LPP: variants seen among roughly 807,000 people sequenced by gnomAD.
The protein encoded by LPP is lipoma-preferred partner.
LPP carries 38 observed loss-of-function variants against 60.4 expected under a neutral mutation model. That is an observed-to-expected ratio of 0.63 (90% CI 0.49 to 0.83). The LOEUF is 0.83. Among genes scored for constraint, LPP ranks in the 40% least tolerant of loss-of-function variants. LPP has a pLI of 0.00. For missense variants in LPP, 902 were observed against 783.6 expected (o/e 1.15, Z -1.80); for synonymous variants, 328 against 290.8 (o/e 1.13, Z -1.30).
chr3:188,482,838 A>G (rs1279886047), intron 4 of LPP, among the ~76,000 whole-genome samples: 1 of 152,170 alleles, frequency 6.6e-6, no homozygotes, highest in African/African-American at 2.4e-5. Context: ...CTGTGGGTCT[A>G]AAGTAGTAAC....
chr3:188,227,882 A>C (rs1021432336), intron 2 of LPP, among the ~76,000 whole-genome samples: 2 of 152,200 alleles, frequency 1.3e-5, no homozygotes, highest in Admixed American at 6.5e-5. Context: ...TGGTAATATG[A>C]ACCACTATTC....
At position 188,874,518 on chromosome 3, in the gene LPP, C is replaced by T; in HGVS notation, c.*39C>T. On this transcript the variant is annotated 3_prime_UTR_variant, in exon 12 of 12. Coordinates refer to ENST00000617246, the MANE Select transcript of LPP (RefSeq NM_001375462.1). ...TTCAGCCGGCACTGAGAAGAACGAACACAAGAAAAAGATAAGAAATACTAG... is the reference window on the plus strand; with the variant it reads ...TTCAGCCGGCACTGAGAAGAACGAATACAAGAAAAAGATAAGAAATACTAG... 1 of 1,599,062 alleles carries T rather than the reference C, an allele frequency of 6.3e-7. No homozygotes were observed. Among genetic ancestry groups the T allele is most frequent in the South Asian group, 1.1e-5 (1 of 90,070 alleles).
At chr3:188,380,801 A>G (rs1207486718) in intron 3 of LPP, among the ~76,000 whole-genome samples, 1 of 152,262 alleles carries the variant, frequency 6.6e-6, no homozygotes, top group Non-Finnish European at 1.5e-5. Flanking sequence ...AGAATCATTT[A>G]TCCACCAACA....
chr3:188,833,268 G>A (rs1054355796), intron 9 of LPP, among the ~76,000 whole-genome samples: 3 of 152,208 alleles, frequency 2.0e-5, no homozygotes, highest in African/African-American at 7.2e-5. Flanking sequence ...TTGCATCACT[G>A]ATTCTGAATT....
At chr3:188,400,710 G>A (rs534367185) in intron 3 of LPP, among the ~76,000 whole-genome samples, 11 of 152,158 alleles carry the variant, frequency 7.2e-5, no homozygotes, top group Admixed American at 2.0e-4. Context: ...TCTGCTGATG[G>A]TGGTTGTGTA....
intron 4 of LPP, among the ~76,000 whole-genome samples, chr3:188,437,984 A>G (rs1304854640): frequency 6.6e-6 from 1 of 152,158 alleles, no homozygotes; most frequent in Non-Finnish European, 1.5e-5. Flanking sequence ...AAGTTGGAAG[A>G]TATTTATTTG....
intron 7 of LPP, among the ~76,000 whole-genome samples, chr3:188,687,362 C>T (rs1361788254): frequency 6.6e-6 from 1 of 152,180 alleles, no homozygotes; most frequent in African/African-American, 2.4e-5. Flanking sequence ...TTTGTCCCTA[C>T]CCAAACCTCA....
intron 3 of LPP, among the ~76,000 whole-genome samples, chr3:188,359,455 GCACCTGACCTA>G (rs1390747499): frequency 2.0e-5 from 3 of 152,160 alleles, no homozygotes; most frequent in Non-Finnish European, 4.4e-5. Context: ...GTTAAAGTCG[GCACCTGACCTA>G]TTAGCTGCAG....
At chr3:188,253,258 T>C (rs1026992219) in intron 2 of LPP, among the ~76,000 whole-genome samples, 80 of 152,300 alleles carry the variant, frequency 5.3e-4, no homozygotes, top group Non-Finnish European at 7.9e-4. Flanking sequence ...TTTTTATACT[T>C]ATAGAGACAA....
At chr3:188,653,590 A>G (rs1852524788) in intron 7 of LPP, among the ~76,000 whole-genome samples, 1 of 152,160 alleles carries the variant, frequency 6.6e-6, no homozygotes, top group Admixed American at 6.5e-5. Flanking sequence ...TGTGAAAGAT[A>G]ATTGAAAGTC....
At chr3:188,428,871 A>T (rs1229434047) in intron 4 of LPP, among the ~76,000 whole-genome samples, 2 of 152,148 alleles carry the variant, frequency 1.3e-5, no homozygotes, top group African/African-American at 4.8e-5. Context: ...GTTAGTACTT[A>T]AAATTGTAAC....
At chr3:188,237,221 A>G (rs1035450537) in intron 2 of LPP, among the ~76,000 whole-genome samples, 1 of 152,200 alleles carries the variant, frequency 6.6e-6, no homozygotes, top group African/African-American at 2.4e-5. Context: ...ACACAGTTGC[A>G]TCTTCATTCC....
chr3:188,280,933 ATTTTTTT>A (rs71298542), intron 2 of LPP, among the ~76,000 whole-genome samples: 6 of 141,356 alleles, frequency 4.2e-5, no homozygotes, highest in African/African-American at 1.3e-4. Flanking sequence ...CGACAAAGGA[ATTTTTTT>A]TTTTTTTTTT....
At position 188,850,418 on chromosome 3, in the gene LPP, A is replaced by C. The variant is rs115078495; in HGVS notation, c.1411-15782A>C. On this transcript the variant is annotated intron_variant, in intron 9 of 11. Transcript: ENST00000617246. ...TTGGTTCGGGGTAAAGGAGAGGAGA[A>C]ATTGTGATATGTGAAATATATTAAT... 4.0e-3 allele frequency among the ~76,000 whole-genome samples: 613 copies of C among 152,270 alleles called. 4 individuals are homozygous for C. The highest frequency in any genetic ancestry group is 0.014 in the African/African-American group (596 of 41,556).
chr3:188,481,935 GT>G (rs1804887272), intron 4 of LPP, among the ~76,000 whole-genome samples: 1 of 152,170 alleles, frequency 6.6e-6, no homozygotes, highest in Non-Finnish European at 1.5e-5. Flanking sequence ...GTTTAGCTCT[GT>G]GTCCCCACCC....
At chr3:188,720,112 C>T (rs1715731108) in intron 8 of LPP, among the ~76,000 whole-genome samples, 1 of 152,152 alleles carries the variant, frequency 6.6e-6, no homozygotes, top group South Asian at 2.1e-4. Flanking sequence ...GGGGTTTTAC[C>T]ATATTGATCA....
intron 7 of LPP, among the ~76,000 whole-genome samples, chr3:188,633,268 C>A (rs998648668): frequency 2.6e-5 from 4 of 152,172 alleles, no homozygotes; most frequent in Non-Finnish European, 5.9e-5. Flanking sequence ...ACCCGGGTCA[C>A]CTCCCACGTC....
At chr3:188,527,609 C>T (rs1405621337) in intron 6 of LPP, among the ~76,000 whole-genome samples, 1 of 152,122 alleles carries the variant, frequency 6.6e-6, no homozygotes, top group Non-Finnish European at 1.5e-5. Context: ...TACTTTCTGA[C>T]CATTGCTTGA....
At chr3:188,277,298 A>T (rs1377639676) in intron 2 of LPP, among the ~76,000 whole-genome samples, 1 of 152,138 alleles carries the variant, frequency 6.6e-6, no homozygotes, top group Non-Finnish European at 1.5e-5. Flanking sequence ...GCACTGCATT[A>T]CCAGGATTCT....
Sources: allele counts gnomAD v4.1 joint callset (sites outside exome capture counted in the v4.1 genomes callset), GRCh38; gene constraint gnomAD v4.1.1; transcripts MANE v1.5; gene names NCBI Gene and HGNC (gene_info 2026-07-23, HGNC 2026-07-21).